The following GAREM1 variants were observed in gnomAD, a reference collection of about 807,000 sequenced individuals.
The protein encoded by GAREM1 is GRB2-associated and regulator of MAPK protein 1.
GAREM1 carries 26 observed loss-of-function variants against 71.3 expected under a neutral mutation model. The ratio of observed to expected loss-of-function variants is 0.36; its 90% confidence interval spans 0.27 to 0.51. The LOEUF (loss-of-function observed/expected upper bound fraction) is 0.51. Among genes scored for constraint, GAREM1 ranks in the 20% least tolerant of loss-of-function variants. The pLI is 0.95. For missense variants in GAREM1, 1,026 were observed against 1,103.1 expected (o/e 0.93, Z 0.99); for synonymous variants, 440 against 433.2 (o/e 1.02, Z -0.20).
chr18:32,288,253 C>A (rs776767680), intron 3 of GAREM1, 50 bp from the exon 4 acceptor site: 2 of 1,433,862 alleles, frequency 1.4e-6, no homozygotes, highest in Non-Finnish European at 9.4e-7. Context: ...GATCTATTCA[C>A]GCAAAGAACT....
intron 1 of GAREM1, among the ~76,000 whole-genome samples, chr18:32,411,826 G>C (rs530932234): frequency 6.6e-6 from 1 of 151,676 alleles, no homozygotes; most frequent in East Asian, 1.9e-4. Flanking sequence ...ACACTGTTGG[G>C]GAAATTTACC....
intron 1 of GAREM1, among the ~76,000 whole-genome samples, chr18:32,467,924 A>T (rs1469060662): frequency 6.6e-6 from 1 of 152,202 alleles, no homozygotes; most frequent in Non-Finnish European, 1.5e-5. Flanking sequence ...AAACATGTTT[A>T]AAAACATGCA....
intron 1 of GAREM1, among the ~76,000 whole-genome samples, chr18:32,415,550 G>A (rs771662666): frequency 3.9e-5 from 6 of 152,080 alleles, no homozygotes; most frequent in Non-Finnish European, 7.4e-5. Context: ...TTATCCCAGG[G>A]ATGCAAGCAC....
chr18:32,340,668 A>G (rs1164174619), intron 2 of GAREM1, among the ~76,000 whole-genome samples: 1 of 152,216 alleles, frequency 6.6e-6, no homozygotes, highest in Non-Finnish European at 1.5e-5. Context: ...CAACTCAACA[A>G]TAGGAAAAGA....
chr18:32,394,134 C>T (rs147342489), intron 1 of GAREM1, among the ~76,000 whole-genome samples: 3 of 152,270 alleles, frequency 2.0e-5, no homozygotes, highest in East Asian at 1.9e-4. Context: ...CTTGGCCTGG[C>T]ATGGTGGCTC....
chr18:32,319,154 A>C (rs970497087), intron 2 of GAREM1, among the ~76,000 whole-genome samples: 1 of 152,192 alleles, frequency 6.6e-6, no homozygotes, highest in Non-Finnish European at 1.5e-5. Context: ...GATGGTTCCA[A>C]GTCAACTGTA....
intron 1 of GAREM1, among the ~76,000 whole-genome samples, chr18:32,407,625 T>G (rs2048377037): frequency 6.6e-6 from 1 of 152,150 alleles, no homozygotes; most frequent in African/African-American, 2.4e-5. Flanking sequence ...GCAACCAAGA[T>G]CTAGCTTTAA....
chr18:32,436,656 C>T (rs1350859584), intron 1 of GAREM1, among the ~76,000 whole-genome samples: 3 of 152,038 alleles, frequency 2.0e-5, no homozygotes, highest in African/African-American at 7.2e-5. Context: ...CTTATTTGTA[C>T]CAACAATTTC....
intron 2 of GAREM1, among the ~76,000 whole-genome samples, chr18:32,348,620 A>G (rs1015620007): frequency 2.6e-5 from 4 of 152,156 alleles, no homozygotes; most frequent in Non-Finnish European, 5.9e-5. Context: ...GCTACTGAGG[A>G]GGCTGAGGCA....
chr18:32,376,616 T>C (rs1213851819), intron 2 of GAREM1, among the ~76,000 whole-genome samples: 1 of 152,224 alleles, frequency 6.6e-6, no homozygotes, highest in Admixed American at 6.5e-5. Flanking sequence ...GGCTGGTGGA[T>C]CACCTGAGGT....
chr18:32,448,689 C>A (rs767643581), intron 1 of GAREM1, among the ~76,000 whole-genome samples: 2 of 152,086 alleles, frequency 1.3e-5, no homozygotes, highest in Non-Finnish European at 2.9e-5. Flanking sequence ...TATTTATGTA[C>A]CTTTGAGGAC....
At chr18:32,325,518 A>G (rs2047466478) in intron 2 of GAREM1, among the ~76,000 whole-genome samples, 1 of 152,182 alleles carries the variant, frequency 6.6e-6, no homozygotes, top group Non-Finnish European at 1.5e-5. Context: ...TGTGCCGTGA[A>G]TCTAAAACTG....
chr18:32,360,846 C>A (rs1396035535), intron 2 of GAREM1, among the ~76,000 whole-genome samples: 1 of 152,182 alleles, frequency 6.6e-6, no homozygotes, highest in East Asian at 1.9e-4. Flanking sequence ...TTGTTCTTCA[C>A]TTCATGTTCC....
chr18:32,327,123 C>CTGTACAATTTCTGTACAATTA (rs1204291416), intron 2 of GAREM1, among the ~76,000 whole-genome samples: 1 of 152,124 alleles, frequency 6.6e-6, no homozygotes, highest in Non-Finnish European at 1.5e-5. Flanking sequence ...ATTATGATTT[C>CTGTACAATTTCTGTACAATTA]TGATATTGTA....
chr18:32,285,379 A>G (rs573124165), intron 4 of GAREM1, among the ~76,000 whole-genome samples: 9 of 152,274 alleles, frequency 5.9e-5, no homozygotes, highest in African/African-American at 1.9e-4. Context: ...CCTGACACCC[A>G]GGGCTGTCCA....
chr18:32,276,667 T>C (rs1399978066), intron 4 of GAREM1, among the ~76,000 whole-genome samples: 1 of 152,200 alleles, frequency 6.6e-6, no homozygotes, highest in Non-Finnish European at 1.5e-5. Context: ...ACCAGAATGA[T>C]GATCTGGTCT....
At chr18:32,418,468 T>A (rs986572401) in intron 1 of GAREM1, among the ~76,000 whole-genome samples, 2 of 152,184 alleles carry the variant, frequency 1.3e-5, no homozygotes, top group African/African-American at 4.8e-5. Flanking sequence ...ACATATGAAA[T>A]GGGAATAACA....
chr18:32,287,997 A>T lies in GAREM1; in HGVS notation c.600T>A (p.Cys200Ter). ...LGKGKMPCLI[C>*]MNHRTNESIS... is the part of the protein sequence containing the mutation. ...TGCTTTCGTTGGTCCGGTGATTCAT[A>T]CAAATGAGGCACGGCATTTTGCCTT... Residue 200 changes from cysteine (C) to a stop codon, truncating the protein, a stop_gained, in exon 4 of 6, where the codon TGT becomes TGA. Coordinates refer to ENST00000269209, the MANE Select transcript of GAREM1 (RefSeq NM_001242409.2). LOFTEE classifies it high-confidence loss of function. The surrounding 1 kb of genome is among the most constrained non-coding windows in gnomAD (Gnocchi z 5.9). 1 of 1,614,200 alleles carries T rather than the reference A, an allele frequency of 6.2e-7. No homozygotes were observed.
chr18:32,438,582 A>T (rs1445076751), intron 1 of GAREM1, among the ~76,000 whole-genome samples: 1 of 152,232 alleles, frequency 6.6e-6, no homozygotes, highest in African/African-American at 2.4e-5. Flanking sequence ...AGTCAAGAAC[A>T]AGTGCATGTC....
Sources: gnomAD v4.1 joint callset for allele counts (sites outside exome capture counted in the v4.1 genomes callset) on GRCh38, gnomAD v4.1.1 for gene constraint, Gnocchi (gnomAD v3.1) non-coding constraint, MANE v1.5 for transcripts, NCBI Gene and HGNC (gene_info 2026-07-23, HGNC 2026-07-21) for gene names.